The following MAN1A2 variants were observed in gnomAD, a reference collection of about 807,000 sequenced individuals.
The protein encoded by MAN1A2 is mannosyl-oligosaccharide 1,2-alpha-mannosidase IB.
In MAN1A2, 26 loss-of-function variants were observed where a neutral mutation model predicts 75.7. The observed-to-expected ratio is 0.34, with a 90% CI of 0.25 to 0.48. The LOEUF is 0.48. Ranked by LOEUF, MAN1A2 falls within the 20% of genes least tolerant of loss-of-function variation. MAN1A2 has a pLI of 0.99. For synonymous variants in MAN1A2, 247 were observed against 264.6 expected (o/e 0.93, Z 0.65); for missense variants, 562 against 775.5 (o/e 0.72, Z 3.27).
intron 7 of MAN1A2, among the ~76,000 whole-genome samples, chr1:117,464,629 T>A (rs1425889017): frequency 6.6e-6 from 1 of 152,058 alleles, no homozygotes. Flanking sequence ...AGGCTAATGG[T>A]GAGTACTTCT....
chr1:117,369,674 C>T (rs184071548), intron 1 of MAN1A2, among the ~76,000 whole-genome samples: 1 of 152,178 alleles, frequency 6.6e-6, no homozygotes, highest in African/African-American at 2.4e-5. Context: ...TCTTTTGTAA[C>T]TAAGTTAATT....
At chr1:117,428,878 T>C (rs898987747) in intron 5 of MAN1A2, among the ~76,000 whole-genome samples, 3 of 122,670 alleles carry the variant, frequency 2.4e-5, no homozygotes, top group Non-Finnish European at 5.0e-5. Context: ...CATGGGACAA[T>C]AGTGGAGGGA....
intron 8 of MAN1A2, among the ~76,000 whole-genome samples, chr1:117,485,429 CATA>C (rs1433544176): frequency 6.6e-6 from 1 of 151,702 alleles, no homozygotes; most frequent in Non-Finnish European, 1.5e-5. Flanking sequence ...GGCATAAACT[CATA>C]ATAATAAAAA....
chr1:117,455,726 A>C (rs1649560878), intron 6 of MAN1A2, among the ~76,000 whole-genome samples: 1 of 152,070 alleles, frequency 6.6e-6, no homozygotes, highest in East Asian at 1.9e-4. Flanking sequence ...GATAGATGAG[A>C]ATGTGTTAAC....
At position 117,502,936 on chromosome 1, in the gene MAN1A2, G is replaced by A. The variant is rs762474272; in HGVS notation, c.1759G>A (p.Val587Ile). 6.2e-7 allele frequency: 1 copy of A among 1,602,130 alleles called. No individual in the cohort carries two copies. The highest frequency in any genetic ancestry group is 8.5e-7 in the Non-Finnish European group (1 of 1,174,170). The change falls in exon 12 of 13, where the codon GTA becomes ATA. Residue 587 changes from valine (V) to isoleucine (I), a missense_variant. This residue lies in a region of MAN1A2 where 434 missense variants were observed against 645.7 expected (regional missense o/e 0.67). Coordinates refer to ENST00000356554, the MANE Select transcript of MAN1A2 (RefSeq NM_006699.5). ...VYSSTPTHDD[V>I]QQSFFLAETL... is the part of the protein sequence containing the mutation. ...TTCCTCTACTCCTACACATGATGAT[G>A]TACAGCAGAGCTTTTTTCTTGCTGA...
intron 5 of MAN1A2, among the ~76,000 whole-genome samples, chr1:117,429,459 G>C (rs866766797): frequency 7.6e-5 from 7 of 91,954 alleles, no homozygotes; most frequent in Admixed American, 9.9e-5. Context: ...CCCTCCCGGA[G>C]GGGGCGGCTG....
chr1:117,385,726 C>G (rs1052471426), intron 1 of MAN1A2, among the ~76,000 whole-genome samples: 2 of 152,108 alleles, frequency 1.3e-5, no homozygotes, highest in Admixed American at 1.3e-4. Flanking sequence ...GTAACACATG[C>G]AGAAAAGGTA....
At position 117,524,254 on chromosome 1, in the gene MAN1A2, T is replaced by C. The variant is rs1048368438; in HGVS notation, c.*1297T>C. ...GGAACTTTATCTTACTATCAGTAGGTTTTGCATTGATATTTCTTTTTAAAT... is the reference window on the plus strand; with the variant it reads ...GGAACTTTATCTTACTATCAGTAGGCTTTGCATTGATATTTCTTTTTAAAT... On this transcript the variant is annotated 3_prime_UTR_variant, in exon 13 of 13. Transcript: ENST00000356554. 1 of 152,234 alleles carries C rather than the reference T, an allele frequency of 6.6e-6. No individual in the cohort carries two copies. Among genetic ancestry groups the C allele is most frequent in the African/African-American group, 2.4e-5 (1 of 41,404 alleles). 9.4% of individuals were successfully genotyped at this position (152,234 alleles called of 1,614,324 possible).
chr1:117,371,568 G>A (rs1289953), intron 1 of MAN1A2, among the ~76,000 whole-genome samples: 24,996 of 151,936 alleles, frequency 0.16, 2,522 homozygotes, highest in African/African-American at 0.26. Context: ...GGAGGTTGAG[G>A]GGAGGTTGAG....
At chr1:117,387,643 G>A (rs1250171872) in intron 1 of MAN1A2, among the ~76,000 whole-genome samples, 1 of 152,174 alleles carries the variant, frequency 6.6e-6, no homozygotes, top group Non-Finnish European at 1.5e-5. Context: ...TCAAGGCTTG[G>A]AACTCAGGGT....
At chr1:117,377,047 A>G (rs1353513097) in intron 1 of MAN1A2, among the ~76,000 whole-genome samples, 2 of 152,168 alleles carry the variant, frequency 1.3e-5, no homozygotes, top group African/African-American at 4.8e-5. Context: ...TCAAGGAACA[A>G]CTGTGTTTAT....
At chr1:117,516,831 A>G (rs1462148147) in intron 12 of MAN1A2, among the ~76,000 whole-genome samples, 2 of 152,162 alleles carry the variant, frequency 1.3e-5, no homozygotes, top group Non-Finnish European at 2.9e-5. Context: ...TTCACAGGAC[A>G]GTACCAGAGA....
rs7545192 is a variant in MAN1A2 at position 117,477,372 on chromosome 1, G to A, written c.1168+10945G>A. Among the ~76,000 whole-genome samples, 947 of 151,966 alleles carry A rather than the reference G, an allele frequency of 6.2e-3. 8 individuals are homozygous for A. Among genetic ancestry groups the A allele is most frequent in the African/African-American group, 0.022 (907 of 41,472 alleles). On this transcript the variant is annotated intron_variant, in intron 8 of 12. Coordinates refer to ENST00000356554, the MANE Select transcript of MAN1A2 (RefSeq NM_006699.5). The stretch of plus-strand genomic sequence containing the variant: ...CAGGCCAATATCCCTGATGAACATC[G>A]ATGCAAAAATCCTCAATAAAATACT...
chr1:117,495,676 C>T, intron 9 of MAN1A2, among the ~76,000 whole-genome samples: 1 of 151,710 alleles, frequency 6.6e-6, no homozygotes, highest in East Asian at 1.9e-4. Context: ...TTACAATGAA[C>T]AGAAATGACA....
intron 12 of MAN1A2, among the ~76,000 whole-genome samples, chr1:117,514,114 G>T (rs918343202): frequency 1.3e-5 from 2 of 152,124 alleles, no homozygotes; most frequent in Non-Finnish European, 2.9e-5. Flanking sequence ...TGTAATCCCA[G>T]CACTTTGGGA....
At chr1:117,410,599 G>T (rs1309449176) in intron 3 of MAN1A2, among the ~76,000 whole-genome samples, 1 of 149,642 alleles carries the variant, frequency 6.7e-6, no homozygotes, top group South Asian at 2.1e-4. Flanking sequence ...CCTAGCCAGT[G>T]CACTAAGGCA....
intron 12 of MAN1A2, among the ~76,000 whole-genome samples, chr1:117,508,777 TAACACATAGATG>T (rs60269899): frequency 0.076 from 11,563 of 151,758 alleles, 495 homozygotes; most frequent in Middle Eastern, 0.15. Context: ...TGTGCATACG[TAACACATAGATG>T]AACATGTTAA....
At chr1:117,474,476 A>G (rs1018932922) in intron 8 of MAN1A2, among the ~76,000 whole-genome samples, 11 of 149,940 alleles carry the variant, frequency 7.3e-5, no homozygotes, top group Non-Finnish European at 1.5e-4. Context: ...TCCAGCTCTT[A>G]TTTTGACCAT....
chr1:117,492,462 A>G (rs1650911124), intron 8 of MAN1A2, among the ~76,000 whole-genome samples: 2 of 152,136 alleles, frequency 1.3e-5, no homozygotes, highest in Non-Finnish European at 2.9e-5. Flanking sequence ...CACAACTTTT[A>G]TAACTACTGG....
Sources: allele counts gnomAD v4.1 joint callset (sites outside exome capture counted in the v4.1 genomes callset), GRCh38; gene constraint gnomAD v4.1.1; regional missense constraint gnomAD v4.1.1; transcripts MANE v1.5; gene names NCBI Gene and HGNC (gene_info 2026-07-23, HGNC 2026-07-21).